The following MAGI2 variants were observed in gnomAD, a reference collection of about 807,000 sequenced individuals.
MAGI2 encodes the protein membrane associated guanylate kinase, WW and PDZ domain containing 2, also known as membrane-associated guanylate kinase, WW and PDZ domain-containing protein 2.
MAGI2 carries 35 observed loss-of-function variants against 133.3 expected under a neutral mutation model. The ratio of observed to expected loss-of-function variants is 0.26; its 90% confidence interval spans 0.20 to 0.35. The LOEUF (loss-of-function observed/expected upper bound fraction) is 0.35. Ranked by LOEUF, MAGI2 falls within the 10% of genes least tolerant of loss-of-function variation. The pLI is 1.00. For missense variants in MAGI2, 1,636 were observed against 1,863.4 expected, an observed-to-expected ratio of 0.88 and a Z score of 2.25; for synonymous variants, 729 against 710.6, an observed-to-expected ratio of 1.03 and a Z score of -0.41.
Position 78,484,079 on chromosome 7 carries a change from G to T in MAGI2, c.1045+5682C>A, listed in dbSNP as rs73374211. 4 of 151,996 alleles carry T rather than the reference G, an allele frequency of 2.6e-5. No individual in the cohort carries two copies. The South Asian group carries it at 6.2e-4, about 24-fold the overall frequency. 9.4% of individuals were successfully genotyped at this position (151,996 alleles called of 1,614,324 possible). ...AACAAATTTAATGAGAAAGGCCAAAGCTCCTATTTAAGGGAAGATAAACAA... is the reference window on the plus strand; with the variant it reads ...AACAAATTTAATGAGAAAGGCCAAATCTCCTATTTAAGGGAAGATAAACAA... On this transcript the variant is annotated intron_variant, in intron 6 of 21. Transcript: ENST00000354212.
chr7:78,176,716 C>T (rs946489050), intron 14 of MAGI2, among the ~76,000 whole-genome samples: 26 of 151,904 alleles, frequency 1.7e-4, no homozygotes, highest in Non-Finnish European at 3.4e-4. Flanking sequence ...GGCATGGTGG[C>T]ACATGCCTGT....
At chr7:78,715,378 G>A (rs986792791) in intron 2 of MAGI2, among the ~76,000 whole-genome samples, 2 of 152,126 alleles carry the variant, frequency 1.3e-5, no homozygotes, top group Non-Finnish European at 2.9e-5. Flanking sequence ...TACCTGCAAG[G>A]AGGTATATTT....
intron 1 of MAGI2, among the ~76,000 whole-genome samples, chr7:79,359,502 C>G (rs117473847): frequency 2.0e-5 from 3 of 152,034 alleles, no homozygotes; most frequent in Non-Finnish European, 4.4e-5. Flanking sequence ...CTGGGTAAAT[C>G]CCAAATAGGA....
intron 1 of MAGI2, among the ~76,000 whole-genome samples, chr7:79,076,367 T>A (rs909180569): frequency 6.6e-6 from 1 of 152,194 alleles, no homozygotes; most frequent in East Asian, 1.9e-4. Flanking sequence ...GTGAAAATAT[T>A]TTAAGGCTAT....
rs560998749 is a variant in MAGI2, at chr7:78,051,160, A to G, written c.3706+27787T>C. Reference sequence around the variant, plus strand: ...CTGAAAAGCTCTTATGGCCCATCACATTTCAGAAGAAAGCCATAGTCATGT... The same window carrying G: ...CTGAAAAGCTCTTATGGCCCATCACGTTTCAGAAGAAAGCCATAGTCATGT... On this transcript the variant is annotated intron_variant, in intron 21 of 21. Coordinates refer to ENST00000354212, the MANE Select transcript of MAGI2 (RefSeq NM_012301.4). Among the ~76,000 whole-genome samples, 14 of 152,334 alleles carry G rather than the reference A, an allele frequency of 9.2e-5. No individual in the cohort carries two copies. The South Asian group carries it at 2.9e-3, about 32-fold the overall frequency.
At chr7:78,176,909 A>ACTCT (rs368526177) in intron 14 of MAGI2, among the ~76,000 whole-genome samples, 9 of 31,894 alleles carry the variant, frequency 2.8e-4, no homozygotes, top group African/African-American at 8.3e-4. Flanking sequence ...CCATATATAG[A>ACTCT]CACACACACA....
At chr7:78,790,926 G>C (rs955886942) in intron 2 of MAGI2, among the ~76,000 whole-genome samples, 2 of 152,138 alleles carry the variant, frequency 1.3e-5, no homozygotes, top group Non-Finnish European at 1.5e-5. Context: ...CCCACAGCTA[G>C]CACAGTATCT....
intron 1 of MAGI2, among the ~76,000 whole-genome samples, chr7:79,152,211 G>T (rs1285326707): frequency 2.0e-5 from 3 of 152,158 alleles, no homozygotes; most frequent in Admixed American, 2.0e-4. Context: ...GCAACAGATT[G>T]AAACATCACT....
rs758252292 is a variant in MAGI2, at chr7:78,178,069, C to T, written c.2345G>A (p.Arg782Gln). Residue 782 changes from arginine to glutamine, a missense_variant, in exon 14 of 22, where the codon CGG becomes CAG. By Grantham distance (43) the Arg-to-Gln change is conservative. This residue lies in a region of MAGI2 where 920 missense variants were observed against 1,093.5 expected (regional missense o/e 0.84). Transcript: ENST00000354212. Reference protein sequence around the residue: ...PDYKELDVHLRRMESGFGFRI... With the variant: ...PDYKELDVHLQRMESGFGFRI... Reference sequence around the variant, plus strand: ...GAAGCCAAATCCAGACTCCATCCTCCGAAGATGAACATCCAATTCCTTATA... The same window carrying T: ...GAAGCCAAATCCAGACTCCATCCTCTGAAGATGAACATCCAATTCCTTATA... 1.5e-5 allele frequency: 24 copies of T among 1,613,010 alleles called. No homozygotes were observed. The highest frequency in any genetic ancestry group is 5.5e-5 in the South Asian group (5 of 91,054).
chr7:78,211,809 T>C (rs1787793243), intron 10 of MAGI2, among the ~76,000 whole-genome samples: 1 of 152,218 alleles, frequency 6.6e-6, no homozygotes, highest in South Asian at 2.1e-4. Context: ...CTTTTTGTTC[T>C]TTTAAGCTTA....
chr7:79,452,435 C>T (rs952725196), intron 1 of MAGI2, among the ~76,000 whole-genome samples: 1 of 152,112 alleles, frequency 6.6e-6, no homozygotes, highest in African/African-American at 2.4e-5. Context: ...TTACAGAAGA[C>T]CCGTCAAAGC....
intron 1 of MAGI2, among the ~76,000 whole-genome samples, chr7:79,228,005 T>A (rs1336077746): frequency 6.6e-6 from 1 of 152,062 alleles, no homozygotes; most frequent in East Asian, 1.9e-4. Flanking sequence ...TAAAGCTAAA[T>A]CACTGTGGCC....
At chr7:78,755,184 C>T (rs560133837) in intron 2 of MAGI2, among the ~76,000 whole-genome samples, 4 of 152,214 alleles carry the variant, frequency 2.6e-5, no homozygotes, top group East Asian at 1.9e-4. Flanking sequence ...GGGAGAGACA[C>T]TAAATGATCC....
intron 1 of MAGI2, among the ~76,000 whole-genome samples, chr7:79,345,691 G>A (rs1402371306): frequency 6.6e-6 from 1 of 152,174 alleles, no homozygotes; most frequent in African/African-American, 2.4e-5. Flanking sequence ...AGAAAAATTG[G>A]CAATTTAAAA....
chr7:78,578,089 G>C (rs546444904), intron 3 of MAGI2, among the ~76,000 whole-genome samples: 1 of 124,428 alleles, frequency 8.0e-6, no homozygotes, highest in Non-Finnish European at 1.7e-5. Context: ...TATTTTATTG[G>C]TTTTCACTTT....
intron 2 of MAGI2, among the ~76,000 whole-genome samples, chr7:78,991,979 C>T (rs911133342): frequency 3.3e-5 from 5 of 151,936 alleles, no homozygotes; most frequent in African/African-American, 1.2e-4. Context: ...CATGAATATA[C>T]AAGAGCAGGG....
intron 2 of MAGI2, among the ~76,000 whole-genome samples, chr7:78,774,551 A>AT (rs1315186205): frequency 6.6e-6 from 1 of 152,124 alleles, no homozygotes; most frequent in African/African-American, 2.4e-5. Context: ...CTCCAGGGCC[A>AT]TGTTGCCTTG....
At chr7:79,153,748 T>C (rs767734144) in intron 1 of MAGI2, among the ~76,000 whole-genome samples, 4 of 152,140 alleles carry the variant, frequency 2.6e-5, no homozygotes, top group Non-Finnish European at 5.9e-5. Flanking sequence ...TTGATGTCAA[T>C]GGAGGACAGG....
chr7:78,833,378 A>G (rs480203), intron 2 of MAGI2, among the ~76,000 whole-genome samples: 21,938 of 152,126 alleles, frequency 0.14, 1,786 homozygotes, highest in Non-Finnish European at 0.19. Context: ...ATGCTGGTAT[A>G]TCCAGTGCAT....
Sources: gnomAD v4.1 joint callset for allele counts (sites outside exome capture counted in the v4.1 genomes callset) on GRCh38, gnomAD v4.1.1 for gene constraint, gnomAD v4.1.1 regional missense constraint, MANE v1.5 for transcripts, NCBI Gene and HGNC (gene_info 2026-07-23, HGNC 2026-07-21) for gene names.